RGS10: variants seen among roughly 807,000 people sequenced by gnomAD.
RGS10 encodes the protein regulator of G protein signaling 10, also known as regulator of G-protein signalling 10.
Under a neutral mutation model 23.5 loss-of-function variants are expected in RGS10, and 11 were observed. The observed-to-expected ratio is 0.47, with a 90% CI of 0.29 to 0.77. RGS10 has a LOEUF of 0.77. Among genes scored for constraint, RGS10 ranks in the 30% least tolerant of loss-of-function variants. RGS10 has a pLI of 0.08. For synonymous variants in RGS10, 77 were observed against 83.2 expected, an observed-to-expected ratio of 0.92 and a Z score of 0.41; for missense variants, 180 against 226.3, an observed-to-expected ratio of 0.80 and a Z score of 1.31.
intron 3 of RGS10, among the ~76,000 whole-genome samples, chr10:119,522,387 A>C (rs1417071369): frequency 6.6e-6 from 1 of 152,186 alleles, no homozygotes; most frequent in Non-Finnish European, 1.5e-5. Context: ...GATAAGTTTG[A>C]CTGTGAAATC....
chr10:119,519,311 C>T (rs1844182453), intron 3 of RGS10, among the ~76,000 whole-genome samples: 1 of 151,558 alleles, frequency 6.6e-6, no homozygotes, highest in Non-Finnish European at 1.5e-5. Flanking sequence ...TGTCTGTCCC[C>T]CAGCTCCTGT....
intron 1 of RGS10, among the ~76,000 whole-genome samples, chr10:119,529,707 CT>C (rs2133958155): frequency 6.6e-6 from 1 of 152,292 alleles, no homozygotes; most frequent in East Asian, 1.9e-4. Context: ...ATAACTAACA[CT>C]TTTTTCCCCA....
At chr10:119,531,266 T>C (rs1844327201) in intron 1 of RGS10, among the ~76,000 whole-genome samples, 1 of 152,226 alleles carries the variant, frequency 6.6e-6, no homozygotes, top group Admixed American at 6.5e-5. Context: ...ACAAGTTCAC[T>C]GTTCCAGGAA....
chr10:119,536,308 G>C (rs548751245), intron 1 of RGS10, among the ~76,000 whole-genome samples: 6 of 152,152 alleles, frequency 3.9e-5, no homozygotes, highest in Non-Finnish European at 7.3e-5. Context: ...ACGAGGGTTC[G>C]GGACTCACAG....
chr10:119,529,282 G>A (rs773847081), intron 1 of RGS10, among the ~76,000 whole-genome samples: 6 of 151,946 alleles, frequency 3.9e-5, no homozygotes, highest in East Asian at 3.9e-4. Flanking sequence ...GTGAAACCCC[G>A]TCTGTACTAA....
chr10:119,509,319 T>C (rs941162010), intron 4 of RGS10, among the ~76,000 whole-genome samples: 2 of 152,068 alleles, frequency 1.3e-5, no homozygotes, highest in African/African-American at 4.8e-5. Flanking sequence ...CCGGGCACAG[T>C]GGCTTATGCC....
In RGS10 at chr10:119,527,843, A is replaced by G. The variant is rs373132423; in HGVS notation, c.50-419T>C. On this transcript the variant is annotated intron_variant, in intron 1 of 4. Coordinates refer to ENST00000369103, the MANE Select transcript of RGS10 (RefSeq NM_001005339.2). The surrounding 1 kb of genome is among the most constrained non-coding windows in gnomAD (Gnocchi z 4.2). ...ATGGTGCTGTGTTGTGACTATTTAC[A>G]TGACTGACTCCCACTAGTCTGAAGG... Among the ~76,000 whole-genome samples the G allele has an allele frequency of 2.1e-4, 32 of 152,246 alleles. 1 individual carries two copies. In the South Asian group the frequency reaches 6.2e-3, roughly 30 times the overall value.
chr10:119,536,472 C>A lies in RGS10; in HGVS notation c.49+6118G>T, dbSNP rs745533079. 3.4e-5 allele frequency: 55 copies of A among 1,612,872 alleles called. 1 individual carries two copies. In the South Asian group the frequency reaches 3.9e-4, roughly 11 times the overall value. On this transcript the variant is annotated intron_variant, in intron 1 of 4. Transcript: ENST00000369103. ...TGGGGGCGATTCCTTACGTTCCATG[C>A]TCTGGTGTCCACCTGAGAAGTTCCA... is the stretch of plus-strand genomic sequence containing the variant.
chr10:119,509,433 T>TA (rs934682549), intron 4 of RGS10, among the ~76,000 whole-genome samples: 25 of 143,626 alleles, frequency 1.7e-4, no homozygotes, highest in East Asian at 8.2e-4. Context: ...TACAAAAAAT[T>TA]AAAAAAAAAA....
At chr10:119,515,432 G>A (rs958860451) in intron 4 of RGS10, 77 bp downstream of exon 4, 14 of 1,553,354 alleles carry the variant, frequency 9.0e-6, no homozygotes, top group Admixed American at 1.7e-5. Flanking sequence ...CTAACATCGG[G>A]TGTTTCAGTA....
chr10:119,520,931 A>C (rs11198992), intron 3 of RGS10, among the ~76,000 whole-genome samples: 42,408 of 152,074 alleles, frequency 0.28, 6,081 homozygotes, highest in Middle Eastern at 0.35. Flanking sequence ...AAAAGTTACT[A>C]AAATGATGAT....
rs146692123 is a variant in RGS10, at chr10:119,515,756, A to T, written c.256-104T>A. 1.9e-3 allele frequency: 2,615 copies of T among 1,399,704 alleles called. 2 individuals are homozygous for T. Among genetic ancestry groups the T allele is most frequent in the Non-Finnish European group, 2.3e-3 (2,401 of 1,028,892 alleles). The allele number at this position is 1,399,704 out of a possible 1,614,324, so 86.7% of individuals were successfully genotyped here. A position where few individuals can be genotyped will look rare whatever the true frequency, so the allele number is the denominator to read the frequency against. Reference sequence around the variant, plus strand: ...GGCCCACAGGAGCTGCTGTGGCAAGAGAAAGGCACCCCCCACAGCCCAGGG... The same window carrying T: ...GGCCCACAGGAGCTGCTGTGGCAAGTGAAAGGCACCCCCCACAGCCCAGGG... On this transcript the variant is annotated intron_variant, in intron 3 of 4. Coordinates refer to ENST00000369103, the MANE Select transcript of RGS10 (RefSeq NM_001005339.2).
chr10:119,542,572 G>A lies in RGS10; in HGVS notation c.49+18C>T. The A allele has an allele frequency of 1.4e-6, 2 of 1,399,046 alleles. No homozygotes were observed. Among genetic ancestry groups the A allele is most frequent in the Non-Finnish European group, 9.3e-7 (1 of 1,076,378 alleles). 86.7% of individuals were successfully genotyped at this position (1,399,046 alleles called of 1,614,324 possible). A position where few individuals can be genotyped will look rare whatever the true frequency, so the allele number is the denominator to read the frequency against. On this transcript the variant is annotated intron_variant, in intron 1 of 4. Transcript: ENST00000369103. ...CGGCGCCCCGACCCCGAGCCCGCGGGCCCCCGAAGCCGCTTACCTGACGGC... is the reference window on the plus strand; with the variant it reads ...CGGCGCCCCGACCCCGAGCCCGCGGACCCCCGAAGCCGCTTACCTGACGGC...
At chr10:119,510,208 C>T (rs1456305205) in intron 4 of RGS10, among the ~76,000 whole-genome samples, 1 of 152,178 alleles carries the variant, frequency 6.6e-6, no homozygotes, top group Non-Finnish European at 1.5e-5. Flanking sequence ...TATAAACAGC[C>T]ACTGTTCACA....
rs547449658 is a variant in RGS10, at chr10:119,531,019, A to G, written c.50-3595T>C. On this transcript the variant is annotated intron_variant, in intron 1 of 4. Transcript: ENST00000369103. ...TGACCCTCCAGTTCGTGGATATTAA[A>G]TTAGTTCCCTGTTCTCTTTGTAAAT... Among the ~76,000 whole-genome samples the G allele has an allele frequency of 2.0e-5, 3 of 152,336 alleles. No individual in the cohort carries two copies. In the South Asian group the frequency reaches 6.2e-4, roughly 32 times the overall value.
rs901443898 is a variant in RGS10, at chr10:119,526,482, CA to C, written c.169-365del. Among the ~76,000 whole-genome samples, 15 of 152,184 alleles carry C rather than the reference CA, an allele frequency of 9.9e-5. No homozygotes were observed. In the East Asian group the frequency reaches 1.7e-3, roughly 18 times the overall value. ...CTCTAAAATCAGGCTGTTTTTTAAA[CA>C]AAAGAAAAGAAAGCACATTAAGTAT... is the stretch of plus-strand genomic sequence containing the variant. On this transcript the variant is annotated intron_variant, in intron 2 of 4. Coordinates refer to ENST00000369103, the MANE Select transcript of RGS10 (RefSeq NM_001005339.2).
intron 4 of RGS10, among the ~76,000 whole-genome samples, chr10:119,502,132 A>AG (rs1316418184): frequency 6.6e-6 from 1 of 151,156 alleles, no homozygotes; most frequent in Non-Finnish European, 1.5e-5. Flanking sequence ...TGAGGTTTAC[A>AG]GAAAAAAAAA....
chr10:119,509,416 C>T (rs1844052297), intron 4 of RGS10, among the ~76,000 whole-genome samples: 1 of 151,354 alleles, frequency 6.6e-6, no homozygotes, highest in Non-Finnish European at 1.5e-5. Context: ...TAGTGAGACC[C>T]CATCTTTACA....
intron 1 of RGS10, among the ~76,000 whole-genome samples, chr10:119,530,983 C>T (rs955977309): frequency 6.6e-6 from 1 of 152,206 alleles, no homozygotes; most frequent in Non-Finnish European, 1.5e-5. Context: ...GGAGCTGATG[C>T]TTTTCTAAAG....
Sources: allele counts gnomAD v4.1 joint callset (sites outside exome capture counted in the v4.1 genomes callset), GRCh38; gene constraint gnomAD v4.1.1; non-coding constraint Gnocchi (gnomAD v3.1); transcripts MANE v1.5; gene names NCBI Gene and HGNC (gene_info 2026-07-23, HGNC 2026-07-21).